Variants in PATJ observed in about 807,000 individuals in gnomAD.
The protein encoded by PATJ is inaD-like protein.
Under a neutral mutation model 224.9 loss-of-function variants are expected in PATJ, and 190 were observed. That is an observed-to-expected ratio of 0.84 (90% confidence interval 0.75 to 0.95). The LOEUF (loss-of-function observed/expected upper bound fraction) is 0.95. PATJ is among the 40% of genes least tolerant of loss of function. PATJ has a pLI of 0.00. For missense variants in PATJ, 2,121 were observed against 2,270.3 expected, an observed-to-expected ratio of 0.93 and a Z score of 1.34; for synonymous variants, 769 against 820.3, an observed-to-expected ratio of 0.94 and a Z score of 1.07.
At chr1:61,939,106 G>C (rs1285939624) in intron 27 of PATJ, among the ~76,000 whole-genome samples, 12 of 103,632 alleles carry the variant, frequency 1.2e-4, no homozygotes, top group Admixed American at 4.7e-4. Context: ...CTGGGCGACA[G>C]AGCGAGACTC....
At chr1:62,058,279 A>G (rs1400743757) in intron 31 of PATJ, among the ~76,000 whole-genome samples, 3 of 152,222 alleles carry the variant, frequency 2.0e-5, no homozygotes, top group African/African-American at 4.8e-5. Flanking sequence ...ACTGCAGCTG[A>G]CCGTGCATTT....
intron 35 of PATJ, 148 bp from the exon 36 acceptor site, chr1:62,116,384 A>C: frequency 1.1e-6 from 1 of 903,172 alleles, no homozygotes; most frequent in Admixed American, 3.2e-5. Context: ...TGATAAAGGC[A>C]AATTACCAAG....
At chr1:61,924,803 C>T (rs1462784048) in intron 26 of PATJ, among the ~76,000 whole-genome samples, 1 of 152,232 alleles carries the variant, frequency 6.6e-6, no homozygotes, top group Non-Finnish European at 1.5e-5. Flanking sequence ...TATTCTGCTT[C>T]TGTCCTGCAG....
intron 37 of PATJ, among the ~76,000 whole-genome samples, chr1:62,118,505 A>G (rs1205079569): frequency 6.6e-6 from 1 of 152,240 alleles, no homozygotes; most frequent in Non-Finnish European, 1.5e-5. Flanking sequence ...GCATACACAA[A>G]GGCACAAAGA....
At chr1:61,842,526 G>A (rs979691496) in intron 17 of PATJ, among the ~76,000 whole-genome samples, 1 of 152,148 alleles carries the variant, frequency 6.6e-6, no homozygotes, top group Admixed American at 6.5e-5. Flanking sequence ...GGATCCTGAA[G>A]ATGGTGAATC....
At chr1:62,062,490 CTTT>C (rs139480388) in intron 31 of PATJ, among the ~76,000 whole-genome samples, 517 of 35,482 alleles carry the variant, frequency 0.015, 1 homozygote, top group Non-Finnish European at 0.02. Flanking sequence ...CCACAGCAAC[CTTT>C]TTTTTTTTTT....
chr1:61,998,591 G>A (rs12063314), intron 28 of PATJ, among the ~76,000 whole-genome samples: 42,638 of 151,984 alleles, frequency 0.28, 6,414 homozygotes, highest in East Asian at 0.47. Flanking sequence ...GTGAAATTAT[G>A]TTCATCACTT....
intron 27 of PATJ, among the ~76,000 whole-genome samples, chr1:61,944,228 A>T (rs551189849): frequency 6.6e-6 from 1 of 152,328 alleles, no homozygotes; most frequent in Non-Finnish European, 1.5e-5. Context: ...AATGACTTTG[A>T]CGAATTGAGA....
At chr1:61,821,601 G>A (rs1045922016) in intron 14 of PATJ, among the ~76,000 whole-genome samples, 2 of 152,206 alleles carry the variant, frequency 1.3e-5, no homozygotes, top group Non-Finnish European at 2.9e-5. Context: ...TCTGGGGACT[G>A]AAAGCAGAAG....
chr1:61,955,211 A>C (rs1680277939), intron 27 of PATJ, among the ~76,000 whole-genome samples: 1 of 152,220 alleles, frequency 6.6e-6, no homozygotes, highest in African/African-American at 2.4e-5. Flanking sequence ...TGGTGGAAGT[A>C]TAGCATAGCC....
chr1:61,934,093 G>A (rs541102003), intron 27 of PATJ, among the ~76,000 whole-genome samples: 13 of 150,894 alleles, frequency 8.6e-5, no homozygotes, highest in South Asian at 2.1e-4. Context: ...ATGCCACTGC[G>A]CCCCGCTAAT....
At chr1:61,909,238 C>G (rs188626399) in intron 25 of PATJ, among the ~76,000 whole-genome samples, 7 of 152,236 alleles carry the variant, frequency 4.6e-5, no homozygotes, top group Non-Finnish European at 1.0e-4. Flanking sequence ...CCTTGGCCTC[C>G]CAAAGTGCTG....
At chr1:61,884,451 GTTTTTTTTT>G (rs72229771) in intron 22 of PATJ, 43 bp downstream of exon 22, 458 of 641,588 alleles carry the variant, frequency 7.1e-4, no homozygotes, top group Middle Eastern at 1.6e-3. Flanking sequence ...TAAAATAGTG[GTTTTTTTTT>G]TTTTTTTTTT....
intron 16 of PATJ, among the ~76,000 whole-genome samples, chr1:61,830,744 G>A (rs1286291842): frequency 6.6e-6 from 1 of 152,158 alleles, no homozygotes; most frequent in African/African-American, 2.4e-5. Context: ...ACAAGCATCT[G>A]TTGTTTAACA....
intron 21 of PATJ, among the ~76,000 whole-genome samples, chr1:61,876,850 T>C (rs1667398127): frequency 2.0e-5 from 3 of 152,190 alleles, no homozygotes; most frequent in Non-Finnish European, 1.5e-5. Flanking sequence ...CTTGACCTTT[T>C]GGTTAATCCA....
At chr1:61,854,391 C>G (rs1663314781) in intron 17 of PATJ, among the ~76,000 whole-genome samples, 1 of 152,118 alleles carries the variant, frequency 6.6e-6, no homozygotes, top group Non-Finnish European at 1.5e-5. Context: ...CTCTCCCTTG[C>G]TAAGTTAGAA....
intron 28 of PATJ, among the ~76,000 whole-genome samples, chr1:61,997,987 T>TATATATATATATATATATATATA (rs1645485806): frequency 9.1e-6 from 1 of 109,366 alleles, no homozygotes; most frequent in African/African-American, 3.9e-5. Context: ...CCAGCTTATA[T>TATATATATATATATATATATATA]ATGTATATAT....
chr1:61,823,098 G>A lies in PATJ; in HGVS notation c.1818+19G>A. On this transcript the variant is annotated intron_variant, in intron 15 of 43. Transcript: ENST00000642238. Reference sequence around the variant, plus strand: ...GCTTGAGGTAAAATTTATGGGGAAAGAAAGACACAGGCAAGAATCTGTAAG... The same window carrying A: ...GCTTGAGGTAAAATTTATGGGGAAAAAAAGACACAGGCAAGAATCTGTAAG... 6.2e-7 allele frequency: 1 copy of A among 1,613,328 alleles called. No homozygotes were observed. Among genetic ancestry groups the A allele is most frequent in the Non-Finnish European group, 8.5e-7 (1 of 1,179,546 alleles).
chr1:62,027,786 A>G (rs983761175), intron 29 of PATJ, among the ~76,000 whole-genome samples: 6 of 151,420 alleles, frequency 4.0e-5, no homozygotes, highest in African/African-American at 1.5e-4. Context: ...TGTTTTCTTT[A>G]TAGAAATGTC....
Sources: allele counts gnomAD v4.1 joint callset (sites outside exome capture counted in the v4.1 genomes callset), GRCh38; gene constraint gnomAD v4.1.1; transcripts MANE v1.5; gene names NCBI Gene and HGNC (gene_info 2026-07-23, HGNC 2026-07-21).